PKLR: variants seen among roughly 807,000 people sequenced by gnomAD.
PKLR encodes the protein pyruvate kinase PKLR.
A neutral mutation model predicts 53.6 loss-of-function variants in PKLR; 38 were observed. The observed-to-expected ratio is 0.71, with a 90% confidence interval of 0.55 to 0.93. The LOEUF (loss-of-function observed/expected upper bound fraction) is 0.93, where lower values mean the gene tolerates loss of function less well. Among genes scored for constraint, PKLR ranks in the 40% least tolerant of loss-of-function variants. PKLR has a pLI of 0.00. For synonymous variants in PKLR, 328 were observed against 316.2 expected, an observed-to-expected ratio of 1.04 and a Z score of -0.39; for missense variants, 702 against 787.3, an observed-to-expected ratio of 0.89 and a Z score of 1.30.
chr1:155,300,908 G>A (rs909183530), intron 1 of PKLR: 2 of 1,608,298 alleles, frequency 1.2e-6, no homozygotes, highest in African/African-American at 1.3e-5. Flanking sequence ...ACCTCTCTGG[G>A]TCTCCCTCTC....
In PKLR at chr1:155,295,225, C is replaced by A. The variant is rs754361540; in HGVS notation, c.585G>T (p.Gly195=). The part of the protein sequence containing the change: ...VTVDPAFRTR[G]NANTVWVDYP... ...AGTCCACCCACACGGTGTTCGCGTT[C>A]CCCCGCGTCCGGAACGCGGGGTCCA... is the stretch of plus-strand genomic sequence containing the variant. Residue 195 remains glycine, a synonymous_variant, in exon 5 of 11, where the codon GGG becomes GGT. Transcript: ENST00000342741. This position sits in a 1 kb window ranked among gnomAD's most constrained non-coding sequence, Gnocchi z 4.3. 1 of 1,614,054 alleles carries A rather than the reference C, an allele frequency of 6.2e-7. No homozygotes were observed. The highest frequency in any genetic ancestry group is 1.7e-5 in the Admixed American group (1 of 60,034).
At chr1:155,296,661 C>T (rs1195400740) in intron 2 of PKLR, among the ~76,000 whole-genome samples, 1 of 152,038 alleles carries the variant, frequency 6.6e-6, no homozygotes. Flanking sequence ...TCCTTTTTTA[C>T]TGGATCATCC....
At chr1:155,300,936 C>T (rs372152236) in intron 1 of PKLR, 2 of 1,598,906 alleles carry the variant, frequency 1.3e-6, no homozygotes, top group African/African-American at 2.7e-5. Context: ...CTGCTCCACA[C>T]TGTTGGGTTG....
rs1451219602 is a variant in PKLR, at chr1:155,293,524, C to T, written c.1183G>A (p.Val395Met). ...RAETSDVANAVLDGADCIMLS... is the reference protein window; with the variant it reads ...RAETSDVANAMLDGADCIMLS... ...ATGATGCAGTCAGCCCCATCCAGCA[C>T]AGCATTGGCGACATCGCTTGTCTCT... The change falls in exon 8 of 11, where the codon GTG becomes ATG. Residue 395 changes from valine (V) to methionine (M), a missense_variant. By Grantham distance (21) the Val-to-Met change is conservative. Coordinates refer to ENST00000342741, the MANE Select transcript of PKLR (RefSeq NM_000298.6). The surrounding 1 kb of genome is among the most constrained non-coding windows in gnomAD (Gnocchi z 4.2). The T allele has an allele frequency of 6.2e-7, 1 of 1,614,230 alleles. No homozygotes were observed. Among genetic ancestry groups the T allele is most frequent in the Non-Finnish European group, 8.5e-7 (1 of 1,180,032 alleles).
At position 155,300,271 on chromosome 1, in the gene PKLR, C is replaced by A. The variant is rs118204087; in HGVS notation, c.110G>T (p.Gly37Val). Reference protein sequence around the residue: ...ILIGAPGGPAGYLRRASVAQL... With the variant: ...ILIGAPGGPAVYLRRASVAQL... ...GGCCACACTGGCCCGCCGCAGATAC[C>A]CCGCTGGCCCTGTGGTAGAAGGGGG... Residue 37 changes from glycine to valine, a missense_variant, in exon 2 of 11, where the codon GGG becomes GTG. Coordinates refer to ENST00000342741, the MANE Select transcript of PKLR (RefSeq NM_000298.6). 6.3e-7 allele frequency: 1 copy of A among 1,591,392 alleles called. No individual in the cohort carries two copies. The highest frequency in any genetic ancestry group is 8.6e-7 in the Non-Finnish European group (1 of 1,169,222).
chr1:155,291,264 G>A (rs931567568), intron 10 of PKLR, among the ~76,000 whole-genome samples: 12 of 152,076 alleles, frequency 7.9e-5, no homozygotes, highest in South Asian at 2.1e-4. Context: ...CTGGGAGTCC[G>A]AGGCGGGCGG....
At position 155,295,542 on chromosome 1, in the gene PKLR, G is replaced by C; in HGVS notation, c.402C>G (p.Val134=). 1 of 1,613,912 alleles carries C rather than the reference G, an allele frequency of 6.2e-7. No homozygotes were observed. Among genetic ancestry groups the C allele is most frequent in the Non-Finnish European group, 8.5e-7 (1 of 1,179,922 alleles). The change falls in exon 4 of 11, where the codon GTC becomes GTG. Residue 134 remains valine (V), a synonymous_variant. Coordinates refer to ENST00000342741, the MANE Select transcript of PKLR (RefSeq NM_000298.6). This position sits in a 1 kb window ranked among gnomAD's most constrained non-coding sequence, Gnocchi z 4.3. ...HEYHAESIAN[V]REAVESFAGS... ...CTGCAAAGCTCTCCACCGCCTCCCG[G>C]ACGTTGGCGATGGACTCAGCATGGT...
intron 10 of PKLR, among the ~76,000 whole-genome samples, chr1:155,291,000 ATAATAATAATAAT>A (rs1354265821): frequency 1.5e-5 from 1 of 65,852 alleles, no homozygotes; most frequent in East Asian, 1.3e-3. Context: ...AATAATAATA[ATAATAATAATAAT>A]AATAATAATA....
rs1647563132 is a variant in PKLR at position 155,295,851 on chromosome 1, C to T, written c.284-95G>A. 1 of 1,019,124 alleles carries T rather than the reference C, an allele frequency of 9.8e-7. No homozygotes were observed. Among genetic ancestry groups the T allele is most frequent in the Non-Finnish European group, 1.5e-6 (1 of 650,076 alleles). 63.1% of individuals were successfully genotyped at this position (1,019,124 alleles called of 1,614,324 possible). On this transcript the variant is annotated intron_variant, in intron 2 of 10. Transcript: ENST00000342741. This position sits in a 1 kb window ranked among gnomAD's most constrained non-coding sequence, Gnocchi z 4.3. ...ACCATTCTCAGAACGCCTCACGCCA[C>T]AGGCGTCCTGTTACCTGATCTTTAT...
In PKLR at chr1:155,295,545, G is replaced by T. The variant is rs749817706; in HGVS notation, c.399C>A (p.Asn133Lys). The T allele has an allele frequency of 1.9e-6, 3 of 1,613,856 alleles. No individual in the cohort carries two copies. The East Asian group carries it at 6.7e-5, about 36-fold the overall frequency. The change falls in exon 4 of 11, where the codon AAC becomes AAA. Residue 133 changes from asparagine (N) to lysine (K), a missense_variant. Physicochemically the swap from Asn to Lys is moderately conservative, Grantham distance 94. This residue lies in a region of PKLR where 519 missense variants were observed against 537.1 expected (regional missense o/e 0.97). Coordinates refer to ENST00000342741, the MANE Select transcript of PKLR (RefSeq NM_000298.6). This position sits in a 1 kb window ranked among gnomAD's most constrained non-coding sequence, Gnocchi z 4.3. ...SHEYHAESIA[N>K]VREAVESFAG... ...CAAAGCTCTCCACCGCCTCCCGGAC[G>T]TTGGCGATGGACTCAGCATGGTACT... is the stretch of plus-strand genomic sequence containing the variant.
At position 155,291,946 on chromosome 1, in the gene PKLR, G is replaced by C; in HGVS notation, c.1437-9C>G. On this transcript the variant is annotated splice_polypyrimidine_tract_variant and intron_variant, in intron 9 of 10. Transcript: ENST00000342741. ...ACAGAAGCTGGGCTGAGCTGGAGGA[G>C]GCAGAGAAGGTCAGCCCAGAACAGC... 6.2e-7 allele frequency: 1 copy of C among 1,612,452 alleles called. No homozygotes were observed. Among genetic ancestry groups the C allele is most frequent in the Non-Finnish European group, 8.5e-7 (1 of 1,179,718 alleles).
intron 2 of PKLR, among the ~76,000 whole-genome samples, chr1:155,296,620 C>T (rs1313608274): frequency 6.6e-6 from 1 of 152,138 alleles, no homozygotes; most frequent in African/African-American, 2.4e-5. Flanking sequence ...GCTGGGATTA[C>T]AGGTGTGAGT....
chr1:155,300,415 G>A lies in PKLR; in HGVS notation c.101-135C>T, dbSNP rs1647924811. ...CATATATTATTTTATTATGTCACAA[G>A]GATCCTATAAAGCAGGTACTGTTAA... On this transcript the variant is annotated intron_variant, in intron 1 of 10. Transcript: ENST00000342741. 3 of 710,708 alleles carry A rather than the reference G, an allele frequency of 4.2e-6. No individual in the cohort carries two copies. In the South Asian group the frequency reaches 4.8e-5, roughly 11 times the overall value. The allele number at this position is 710,708 out of a possible 1,614,324, so 44.0% of individuals were successfully genotyped here.
In PKLR at chr1:155,293,579, G is replaced by A. The variant is rs751204824; in HGVS notation, c.1128C>T (p.Ser376=). 3.7e-6 allele frequency: 6 copies of A among 1,614,046 alleles called. No individual in the cohort carries two copies. In the East Asian group the frequency reaches 1.3e-4, roughly 36 times the overall value. Residue 376 remains serine, a synonymous_variant, in exon 8 of 11, where the codon AGC becomes AGT. Transcript: ENST00000342741. This position sits in a 1 kb window ranked among gnomAD's most constrained non-coding sequence, Gnocchi z 4.2. ...TCGTTGGCCGGGGCTTGGTAATCAT[G>A]CTCTCCAGCATCTGGGGGACAGCGT... The part of the protein sequence containing the change: ...PVVCATQMLE[S]MITKPRPTRA...
chr1:155,295,800 T>C lies in PKLR; in HGVS notation c.284-44A>G, dbSNP rs750950714. The stretch of plus-strand genomic sequence containing the variant: ...GTTCAGACAACGTTCCCCCAGAACA[T>C]GAGAGGCAACCAAACCCAACCCATT... On this transcript the variant is annotated intron_variant, in intron 2 of 10. Transcript: ENST00000342741. The surrounding 1 kb of genome is among the most constrained non-coding windows in gnomAD (Gnocchi z 4.3). 1.3e-6 allele frequency: 2 copies of C among 1,567,402 alleles called. No individual in the cohort carries two copies. Among genetic ancestry groups the C allele is most frequent in the Non-Finnish European group, 1.8e-6 (2 of 1,137,872 alleles).
At chr1:155,296,310 C>T (rs1647595226) in intron 2 of PKLR, among the ~76,000 whole-genome samples, 1 of 152,070 alleles carries the variant, frequency 6.6e-6, no homozygotes, top group Non-Finnish European at 1.5e-5. Context: ...TTCTGTGGTC[C>T]TCTGTGACAC....
At chr1:155,298,978 CTTTCTT>C (rs1647777095) in intron 2 of PKLR, among the ~76,000 whole-genome samples, 1 of 85,256 alleles carries the variant, frequency 1.2e-5, no homozygotes, top group Non-Finnish European at 2.1e-5. Flanking sequence ...TTCTTTCTTT[CTTTCTT>C]TCTTTCTTTC....
At chr1:155,297,941 C>T (rs1383196066) in intron 2 of PKLR, among the ~76,000 whole-genome samples, 1 of 152,190 alleles carries the variant, frequency 6.6e-6, no homozygotes, top group East Asian at 1.9e-4. Context: ...TAATAACTGA[C>T]CTCCCTATTT....
Position 155,293,028 on chromosome 1 carries a change from C to A in PKLR, c.1436+149G>T. On this transcript the variant is annotated intron_variant, in intron 9 of 10. Transcript: ENST00000342741. This position sits in a 1 kb window ranked among gnomAD's most constrained non-coding sequence, Gnocchi z 4.2. ...AGAAGCTCACTGGCATTCTGTCTCT[C>A]CTGGCCTCCAGCTGTCATTGCTGCC... 1.2e-6 allele frequency: 1 copy of A among 832,896 alleles called. No homozygotes were observed. The highest frequency in any genetic ancestry group is 1.5e-5 in the South Asian group (1 of 68,656). The allele number at this position is 832,896 out of a possible 1,614,324, so 51.6% of individuals were successfully genotyped here.
Sources: allele counts gnomAD v4.1 joint callset (sites outside exome capture counted in the v4.1 genomes callset), GRCh38; gene constraint gnomAD v4.1.1; regional missense constraint gnomAD v4.1.1; non-coding constraint Gnocchi (gnomAD v3.1); transcripts MANE v1.5; gene names NCBI Gene and HGNC (gene_info 2026-07-23, HGNC 2026-07-21).